The following DNAH12 variants were observed in gnomAD, a reference collection of about 807,000 sequenced individuals.
DNAH12 encodes dynein axonemal heavy chain 12, also known as axonemal beta dynein heavy chain 12.
In DNAH12, 285 loss-of-function variants were observed where a neutral mutation model predicts 371.5. That is an observed-to-expected ratio of 0.77 (90% CI 0.70 to 0.85). DNAH12 has a LOEUF of 0.85. DNAH12 is among the 40% of genes least tolerant of loss of function. The probability of loss-of-function intolerance (pLI) is 0.00; values close to 1 mark genes in which losing one functional copy is unlikely to be tolerated. For synonymous variants in DNAH12, 1,200 were observed against 1,213.0 expected (o/e 0.99, Z 0.22); for missense variants, 3,611 against 3,689.4 (o/e 0.98, Z 0.55).
At chr3:57,508,209 A>AG (rs1405528574) in intron 7 of DNAH12, among the ~76,000 whole-genome samples, 173 bp downstream of exon 7, 2 of 151,768 alleles carry the variant, frequency 1.3e-5, no homozygotes, top group Non-Finnish European at 2.9e-5. Flanking sequence ...ACAAAAAAAA[A>AG]AAAAACCAAA....
intron 58 of DNAH12, among the ~76,000 whole-genome samples, chr3:57,361,473 T>TATATATATATATATATA (rs1575503074): frequency 4.2e-5 from 6 of 141,976 alleles, no homozygotes; most frequent in South Asian, 2.1e-4. Context: ...TATATATATC[T>TATATATATATATATATA]CATTCAGCTC....
In DNAH12 at chr3:57,433,649, T is replaced by C. The variant is rs1475029131; in HGVS notation, c.4835A>G (p.His1612Arg). Residue 1612 changes from histidine to arginine, a missense_variant, in exon 31 of 74, where the codon CAT (histidine) becomes CGT (arginine). Coordinates refer to ENST00000495027, the MANE Select transcript of DNAH12 (RefSeq NM_001366028.2). Reference protein sequence around the residue: ...QLFGQFDPVSHEWTDGIVANT... With the variant: ...QLFGQFDPVSREWTDGIVANT... ...GAATACTTATATTTAGGTTACCTCA[T>C]GAGACACTGGGTCAAACTGTCCAAA... 8 of 1,547,028 alleles carry C rather than the reference T, an allele frequency of 5.2e-6. No homozygotes were observed. Among genetic ancestry groups the C allele is most frequent in the Admixed American group, 4.0e-5 (2 of 50,272 alleles).
intron 3 of DNAH12, 84 bp from the exon 4 acceptor site, chr3:57,523,693 TTAAATA>T: frequency 7.8e-7 from 1 of 1,281,356 alleles, no homozygotes; most frequent in Non-Finnish European, 1.0e-6. Flanking sequence ...AATATATAGT[TTAAATA>T]TATCTATTAT....
intron 39 of DNAH12, among the ~76,000 whole-genome samples, chr3:57,412,017 C>T (rs2064222985): frequency 6.6e-6 from 1 of 152,114 alleles, no homozygotes; most frequent in Non-Finnish European, 1.5e-5. Context: ...CAGATATAGA[C>T]CCAATAAATA....
At chr3:57,392,630 G>C (rs987525955) in intron 44 of DNAH12, among the ~76,000 whole-genome samples, 2 of 151,802 alleles carry the variant, frequency 1.3e-5, no homozygotes, top group Admixed American at 6.6e-5. Flanking sequence ...CACACACACA[G>C]TGTATTTTGT....
chr3:57,498,348 G>C (rs2067388363), intron 11 of DNAH12: 1 of 599,242 alleles, frequency 1.7e-6, no homozygotes, highest in African/African-American at 1.9e-5. Context: ...AAAGAGTTTT[G>C]CTCTGTCACT....
chr3:57,495,645 A>T (rs1260183758), intron 11 of DNAH12, among the ~76,000 whole-genome samples: 1 of 146,334 alleles, frequency 6.8e-6, no homozygotes, highest in Admixed American at 6.9e-5. Flanking sequence ...ATGTATTTAT[A>T]TAATATATAA....
intron 70 of DNAH12, among the ~76,000 whole-genome samples, chr3:57,298,815 C>T (rs1158485061): frequency 6.6e-6 from 1 of 152,164 alleles, no homozygotes; most frequent in African/African-American, 2.4e-5. Context: ...CTATAGTGTA[C>T]TAATTTTCTT....
At chr3:57,338,365 G>A (rs546505106) in intron 60 of DNAH12, among the ~76,000 whole-genome samples, 125 of 152,162 alleles carry the variant, frequency 8.2e-4, no homozygotes, top group Non-Finnish European at 1.6e-3. Context: ...CGGCTGCCCC[G>A]TCTGGGATGT....
intron 60 of DNAH12, among the ~76,000 whole-genome samples, chr3:57,340,182 A>G (rs1267476246): frequency 6.6e-6 from 1 of 152,194 alleles, no homozygotes; most frequent in African/African-American, 2.4e-5. Flanking sequence ...GTATAGCAAG[A>G]GGCAAGTTTA....
chr3:57,334,592 T>C lies in DNAH12; in HGVS notation c.9851A>G (p.His3284Arg). The C allele has an allele frequency of 6.5e-7, 1 of 1,539,472 alleles. No homozygotes were observed. The highest frequency in any genetic ancestry group is 8.7e-7 in the Non-Finnish European group (1 of 1,144,390). ...FRGLRQHFCEHIYEWREIYDS... is the reference protein window; with the variant it reads ...FRGLRQHFCERIYEWREIYDS... ...ATAGATTTCTCGCCATTCATATATA[T>C]GTTCACAAAAATGTTGCCTAATAGA... Residue 3284 changes from histidine to arginine, a missense_variant, in exon 62 of 74, where the codon CAT becomes CGT. Coordinates refer to ENST00000495027, the MANE Select transcript of DNAH12 (RefSeq NM_001366028.2).
chr3:57,535,545 T>C (rs2069003686), intron 2 of DNAH12, among the ~76,000 whole-genome samples: 1 of 152,072 alleles, frequency 6.6e-6, no homozygotes, highest in Middle Eastern at 3.2e-3. Context: ...TTATTTTATT[T>C]TATTTTTTAT....
intron 2 of DNAH12, among the ~76,000 whole-genome samples, chr3:57,531,803 A>T (rs1027820044): frequency 4.1e-5 from 6 of 146,122 alleles, no homozygotes; most frequent in African/African-American, 1.3e-4. Flanking sequence ...CCTTGAGGTC[A>T]TCTTCTTTGG....
In DNAH12 at chr3:57,507,686, A is replaced by G. The variant is rs752071856; in HGVS notation, c.854T>C (p.Leu285Ser). The change falls in exon 8 of 74, where the codon TTG (leucine) becomes TCG (serine). Residue 285 changes from leucine to serine, a missense_variant. Leu to Ser is a moderately radical substitution (Grantham distance 145, BLOSUM62 -2). Coordinates refer to ENST00000495027, the MANE Select transcript of DNAH12 (RefSeq NM_001366028.2). ...GGAAACACAGCTATAAAATGCATCC[A>G]ATTTTTCAGGTTTAACACCTTCTAG... ...EALEGVKPEK[L>S]DAFYSCVSTL... 6.2e-7 allele frequency: 1 copy of G among 1,609,990 alleles called. No homozygotes were observed. The highest frequency in any genetic ancestry group is 1.1e-5 in the South Asian group (1 of 89,850).
chr3:57,345,343 C>CATGAGACATGAG (rs2062513413), intron 60 of DNAH12, among the ~76,000 whole-genome samples: 1 of 152,054 alleles, frequency 6.6e-6, no homozygotes, highest in Admixed American at 6.5e-5. Context: ...TGAAAATAGA[C>CATGAGACATGAG]ACAAAAATTC....
chr3:57,405,835 CG>C lies in DNAH12; in HGVS notation c.6393del (p.Val2132TrpfsTer7). ...CGGATCATAGTGTGTTTGTTCGCCACGGCGTCTCTTTCAATGAGTAAACAGC... is the reference window on the plus strand; with the variant it reads ...CGGATCATAGTGTGTTTGTTCGCCACGCGTCTCTTTCAATGAGTAAACAGC... ...IRGCLLIERD[A>X]VANKHTMIRL... On this transcript the variant is annotated frameshift_variant, in exon 41 of 74. Coordinates refer to ENST00000495027, the MANE Select transcript of DNAH12 (RefSeq NM_001366028.2). LOFTEE classifies it high-confidence loss of function. 6.4e-7 allele frequency: 1 copy of C among 1,551,660 alleles called. No individual in the cohort carries two copies. Among genetic ancestry groups the C allele is most frequent in the Non-Finnish European group, 8.7e-7 (1 of 1,146,994 alleles).
rs909109384 is a variant in DNAH12 at position 57,433,308 on chromosome 3, T to C, written c.4980+59A>G. On this transcript the variant is annotated intron_variant, in intron 32 of 73. Transcript: ENST00000495027. ...TTAAATAGAGTCCTAGTTTAGTTGC[T>C]GAACACATAAAATTGCTTAATCATG... 4.1e-5 allele frequency: 62 copies of C among 1,502,376 alleles called. No individual in the cohort carries two copies. In the Admixed American group the frequency reaches 1.3e-3, roughly 31 times the overall value. The allele number at this position is 1,502,376 out of a possible 1,614,324, so 93.1% of individuals were successfully genotyped here.
intron 62 of DNAH12, among the ~76,000 whole-genome samples, chr3:57,331,868 C>T (rs1354383938): frequency 6.6e-6 from 1 of 152,076 alleles, no homozygotes; most frequent in East Asian, 1.9e-4. Flanking sequence ...TACATCTGAT[C>T]GCCCTCCATA....
At position 57,510,793 on chromosome 3, in the gene DNAH12, A is replaced by G. The variant is rs1216503943; in HGVS notation, c.466T>C (p.Leu156=). 2.5e-6 allele frequency: 4 copies of G among 1,613,702 alleles called. No homozygotes were observed. Among genetic ancestry groups the G allele is most frequent in the African/African-American group, 1.3e-5 (1 of 74,996 alleles). Residue 156 remains leucine (L), a synonymous_variant, in exon 5 of 74, where the codon TTG becomes CTG. Transcript: ENST00000495027. ...GTGTGTGTTAGATGCTACTTACCCAAATATCTCTTCATGCTGTTTTCAAAG... is the reference window on the plus strand; with the variant it reads ...GTGTGTGTTAGATGCTACTTACCCAGATATCTCTTCATGCTGTTTTCAAAG... The part of the protein sequence containing the change: ...SDFENSMKRY[L]VQSVLVKPPV...
Sources: allele counts gnomAD v4.1 joint callset (sites outside exome capture counted in the v4.1 genomes callset), GRCh38; gene constraint gnomAD v4.1.1; transcripts MANE v1.5; gene names NCBI Gene and HGNC (gene_info 2026-07-23, HGNC 2026-07-21).